Variants in GAL3ST2 observed in about 807,000 individuals in gnomAD.
GAL3ST2 encodes galactose-3-O-sulfotransferase 2.
Under a neutral mutation model 12.9 loss-of-function variants are expected in GAL3ST2, and 16 were observed. That is an observed-to-expected ratio of 1.24 (90% CI 0.84 to 1.88). The LOEUF (loss-of-function observed/expected upper bound fraction) is 1.88. Ranked by LOEUF, GAL3ST2 falls within the 40% of genes most tolerant of loss-of-function variation. GAL3ST2 has a pLI of 0.00. For synonymous variants in GAL3ST2, 302 were observed against 273.9 expected, an observed-to-expected ratio of 1.10 and a Z score of -1.01; for missense variants, 639 against 571.8, an observed-to-expected ratio of 1.12 and a Z score of -1.20.
intron 1 of GAL3ST2, among the ~76,000 whole-genome samples, chr2:241,791,433 T>G (rs1699692715): frequency 6.6e-6 from 1 of 152,352 alleles, no homozygotes; most frequent in Middle Eastern, 3.4e-3. Context: ...ACTTGACTTA[T>G]GGAGCCAATG....
intron 1 of GAL3ST2, among the ~76,000 whole-genome samples, chr2:241,786,532 A>C (rs901542285): frequency 4.6e-5 from 7 of 152,174 alleles, no homozygotes; most frequent in African/African-American, 1.7e-4. Flanking sequence ...AACAATCTCA[A>C]ACTCCATAAA....
At chr2:241,798,698 C>T (rs536694691) in intron 1 of GAL3ST2, among the ~76,000 whole-genome samples, 15 of 152,120 alleles carry the variant, frequency 9.9e-5, no homozygotes, top group Non-Finnish European at 1.9e-4. Flanking sequence ...TGGGGGTCTC[C>T]GTCCCATACA....
At chr2:241,792,617 A>G (rs1239321409) in intron 1 of GAL3ST2, among the ~76,000 whole-genome samples, 1 of 152,024 alleles carries the variant, frequency 6.6e-6, no homozygotes, top group Non-Finnish European at 1.5e-5. Flanking sequence ...AGCTTTCCTA[A>G]TAACTTAGGA....
chr2:241,781,257 G>A (rs1170368612), intron 1 of GAL3ST2, among the ~76,000 whole-genome samples: 4 of 152,146 alleles, frequency 2.6e-5, no homozygotes, highest in Non-Finnish European at 5.9e-5. Flanking sequence ...TACGAAAAAC[G>A]TTAAAAAGAT....
At position 241,793,894 on chromosome 2, in the gene GAL3ST2, A is replaced by C. The variant is rs545843745; in HGVS notation, c.30-5171A>C. Among the ~76,000 whole-genome samples the C allele has an allele frequency of 6.6e-6, 1 of 152,272 alleles. No homozygotes were observed. Among genetic ancestry groups the C allele is most frequent in the East Asian group, 1.9e-4 (1 of 5,186 alleles). On this transcript the variant is annotated intron_variant, in intron 1 of 3. Transcript: ENST00000192314. The surrounding 1 kb of genome is among the most constrained non-coding windows in gnomAD (Gnocchi z 4.7). ...TCCTCATAGTCAACAAGGTTTCTAAAACCAGAAGTTCCCTGAGCTGGAGAT... is the reference window on the plus strand; with the variant it reads ...TCCTCATAGTCAACAAGGTTTCTAACACCAGAAGTTCCCTGAGCTGGAGAT...
In GAL3ST2 at chr2:241,800,189, G is replaced by C. The variant is rs1699823514; in HGVS notation, c.119+1035G>C. The stretch of plus-strand genomic sequence containing the variant: ...GTCTCTAGGTTGGGGTGCAGTGATG[G>C]GTCTGGTGGGGGTTCCAGGGTTGGG... On this transcript the variant is annotated intron_variant, in intron 2 of 3. Coordinates refer to ENST00000192314, the MANE Select transcript of GAL3ST2 (RefSeq NM_022134.3). The surrounding 1 kb of genome is among the most constrained non-coding windows in gnomAD (Gnocchi z 5.2). Among the ~76,000 whole-genome samples the C allele has an allele frequency of 6.6e-6, 1 of 152,182 alleles. No homozygotes were observed. The highest frequency in any genetic ancestry group is 1.5e-5 in the Non-Finnish European group (1 of 68,032).
intron 1 of GAL3ST2, among the ~76,000 whole-genome samples, chr2:241,779,264 C>T (rs1377114950): frequency 1.1e-4 from 12 of 112,882 alleles, no homozygotes; most frequent in East Asian, 2.9e-4. Flanking sequence ...GACGGAGTCT[C>T]GCTCTCTCTC....
rs1282096821 is a variant in GAL3ST2, at chr2:241,803,641, G to A, written c.672G>A (p.Val224=). ...AGGTGGAGCGGCGCTTCCGGCTGGT[G>A]CTCATCGCCGAGCACCTGGACGAGT... ...IAEVERRFRL[V]LIAEHLDESL... Residue 224 remains valine (V), a synonymous_variant, in exon 4 of 4, where the codon GTG becomes GTA. Transcript: ENST00000192314. 1.3e-6 allele frequency: 2 copies of A among 1,551,582 alleles called. No homozygotes were observed. The highest frequency in any genetic ancestry group is 2.7e-5 in the African/African-American group (2 of 73,184).
chr2:241,797,957 C>T (rs1012283440), intron 1 of GAL3ST2, among the ~76,000 whole-genome samples: 5 of 152,192 alleles, frequency 3.3e-5, no homozygotes, highest in Admixed American at 6.5e-5. Flanking sequence ...CTGGTTCCCT[C>T]GTAGCCTGTG....
Position 241,795,314 on chromosome 2 carries a change from C to T in GAL3ST2, c.30-3751C>T, listed in dbSNP as rs988750288. Reference sequence around the variant, plus strand: ...GAAGGCTGTAGCATTTCTCTGGAAACGTCATTGTTTTAATTGGGCAGTTGC... The same window carrying T: ...GAAGGCTGTAGCATTTCTCTGGAAATGTCATTGTTTTAATTGGGCAGTTGC... On this transcript the variant is annotated intron_variant, in intron 1 of 3. Coordinates refer to ENST00000192314, the MANE Select transcript of GAL3ST2 (RefSeq NM_022134.3). This position sits in a 1 kb window ranked among gnomAD's most constrained non-coding sequence, Gnocchi z 4.5. 5.3e-5 allele frequency among the ~76,000 whole-genome samples: 8 copies of T among 152,168 alleles called. No individual in the cohort carries two copies. Among genetic ancestry groups the T allele is most frequent in the African/African-American group, 1.9e-4 (8 of 41,440 alleles).
rs1325947362 is a variant in GAL3ST2 at position 241,804,032 on chromosome 2, C to T, written c.1063C>T (p.Arg355Trp). 3 of 1,563,774 alleles carry T rather than the reference C, an allele frequency of 1.9e-6. No individual in the cohort carries two copies. The highest frequency in any genetic ancestry group is 2.6e-6 in the Non-Finnish European group (3 of 1,156,870). ...GGCCGACATCCTGGGTTACAACCTCCGGCCGGGCCTGGACAACCAGACGCT... is the reference window on the plus strand; with the variant it reads ...GGCCGACATCCTGGGTTACAACCTCTGGCCGGGCCTGGACAACCAGACGCT... ...GKADILGYNL[R>W]PGLDNQTLGV... is the part of the protein sequence containing the mutation. Residue 355 changes from arginine (R) to tryptophan (W), a missense_variant, in exon 4 of 4, where the codon CGG becomes TGG. Coordinates refer to ENST00000192314, the MANE Select transcript of GAL3ST2 (RefSeq NM_022134.3).
At chr2:241,798,773 C>T (rs546517375) in intron 1 of GAL3ST2, among the ~76,000 whole-genome samples, 4 of 152,264 alleles carry the variant, frequency 2.6e-5, no homozygotes, top group African/African-American at 4.8e-5. Context: ...GTCCCAGGAG[C>T]GCGGCCCTGT....
At chr2:241,778,306 C>T (rs1699520601) in intron 1 of GAL3ST2, among the ~76,000 whole-genome samples, 1 of 152,254 alleles carries the variant, frequency 6.6e-6, no homozygotes, top group South Asian at 2.1e-4. Flanking sequence ...GTGCCACTGG[C>T]ACCCACCTGG....
intron 1 of GAL3ST2, among the ~76,000 whole-genome samples, chr2:241,781,654 A>G (rs891853663): frequency 2.6e-5 from 4 of 152,242 alleles, no homozygotes; most frequent in African/African-American, 9.6e-5. Context: ...ATTTTGGTAC[A>G]CATACCAATA....
intron 1 of GAL3ST2, among the ~76,000 whole-genome samples, chr2:241,796,865 C>T (rs1412163715): frequency 6.6e-6 from 1 of 152,162 alleles, no homozygotes; most frequent in Non-Finnish European, 1.5e-5. Context: ...GCACTTTGAC[C>T]AGAGCCAGCT....
At chr2:241,777,888 C>T (rs767902930) in intron 1 of GAL3ST2, among the ~76,000 whole-genome samples, 1 of 152,290 alleles carries the variant, frequency 6.6e-6, no homozygotes, top group East Asian at 1.9e-4. Flanking sequence ...TGGGGCCCCC[C>T]GAGGTCGGCC....
In GAL3ST2 at chr2:241,803,693, C is replaced by T. The variant is rs1380310801; in HGVS notation, c.724C>T (p.Arg242Cys). ...CCTGGTGCTGCTGCGGCGCCGGCTG[C>T]GCTGGGCGCTGGACGACGTGGTGGC... Reference protein sequence around the residue: ...ESLVLLRRRLRWALDDVVAFR... With the variant: ...ESLVLLRRRLCWALDDVVAFR... Residue 242 changes from arginine (R) to cysteine (C), a missense_variant, in exon 4 of 4, where the codon CGC becomes TGC. Transcript: ENST00000192314. 5.2e-6 allele frequency: 8 copies of T among 1,545,792 alleles called. No individual in the cohort carries two copies. The highest frequency in any genetic ancestry group is 7.0e-6 in the Non-Finnish European group (8 of 1,144,716).
In GAL3ST2 at chr2:241,802,235, G is replaced by A. The variant is rs965591168; in HGVS notation, c.375+199G>A. Among the ~76,000 whole-genome samples the A allele has an allele frequency of 6.6e-6, 1 of 152,190 alleles. No homozygotes were observed. Among genetic ancestry groups the A allele is most frequent in the Non-Finnish European group, 1.5e-5 (1 of 68,032 alleles). On this transcript the variant is annotated intron_variant, in intron 3 of 3. Coordinates refer to ENST00000192314, the MANE Select transcript of GAL3ST2 (RefSeq NM_022134.3). This position sits in a 1 kb window ranked among gnomAD's most constrained non-coding sequence, Gnocchi z 4.8. ...TCCAGGCGGCCAGTCGCCTGCCGTT[G>A]CTCTTGGAATGAGACCTGGGAGCCC...
intron 1 of GAL3ST2, among the ~76,000 whole-genome samples, chr2:241,792,852 A>C (rs559390236): frequency 6.6e-6 from 1 of 152,282 alleles, no homozygotes; most frequent in East Asian, 1.9e-4. Context: ...CATTGTATTC[A>C]AAGTCTCCCC....
Sources: allele counts gnomAD v4.1 joint callset (sites outside exome capture counted in the v4.1 genomes callset), GRCh38; gene constraint gnomAD v4.1.1; non-coding constraint Gnocchi (gnomAD v3.1); transcripts MANE v1.5; gene names NCBI Gene and HGNC (gene_info 2026-07-23, HGNC 2026-07-21).